The following ZNF583 variants were observed in gnomAD, a reference collection of about 807,000 sequenced individuals.
ZNF583 encodes the protein zinc finger protein 583.
In ZNF583, 30 loss-of-function variants were observed where a neutral mutation model predicts 55.3. That is an observed-to-expected ratio of 0.54 (90% CI 0.41 to 0.74). The LOEUF is 0.74. ZNF583 is among the 30% of genes least tolerant of loss of function. ZNF583 has a pLI of 0.00. For synonymous variants in ZNF583, 208 were observed against 220.0 expected (o/e 0.95, Z 0.48); for missense variants, 504 against 664.7 (o/e 0.76, Z 2.66).
chr19:56,418,836 A>C (rs1345608874), intron 4 of ZNF583, among the ~76,000 whole-genome samples: 2 of 152,212 alleles, frequency 1.3e-5, no homozygotes, highest in Non-Finnish European at 2.9e-5. Flanking sequence ...TTCAATCTTA[A>C]GGGAAAACGT....
In ZNF583 at chr19:56,424,049, A is replaced by G. The variant is rs1359134643; in HGVS notation, c.1391A>G (p.Tyr464Cys). 3 of 1,614,030 alleles carry G rather than the reference A, an allele frequency of 1.9e-6. No homozygotes were observed. The highest frequency in any genetic ancestry group is 1.1e-5 in the South Asian group (1 of 91,072). Reference protein sequence around the residue: ...HQRSHTGEKPYMCKECRKTFS... With the variant: ...HQRSHTGEKPCMCKECRKTFS... ...AGAAGTCATACTGGAGAAAAACCCT[A>G]TATGTGTAAGGAATGTAGGAAAACA... The change falls in exon 5 of 5, where the codon TAT becomes TGT. Residue 464 changes from tyrosine to cysteine, a missense_variant. This residue lies in a region of ZNF583 where 237 missense variants were observed against 373.0 expected (regional missense o/e 0.64). Coordinates refer to ENST00000333201, the MANE Select transcript of ZNF583 (RefSeq NM_152478.3).
rs980508869 is a variant in ZNF583 at position 56,407,028 on chromosome 19, C to T, written c.-87C>T. The T allele has an allele frequency of 3.3e-6, 5 of 1,517,732 alleles. 1 individual carries two copies. Among genetic ancestry groups the T allele is most frequent in the South Asian group, 2.4e-5 (2 of 84,944 alleles). The allele number at this position is 1,517,732 out of a possible 1,614,324, so 94.0% of individuals were successfully genotyped here. A position where few individuals can be genotyped will look rare whatever the true frequency, so the allele number is the denominator to read the frequency against. ...TATGGTTTCTTTTCCTTCTCCAGCT[C>T]GACTTTCTCAGGATACTGTCCCTCT... On this transcript the variant is annotated splice_region_variant and 5_prime_UTR_variant, in exon 2 of 5. Transcript: ENST00000333201.
In ZNF583 at chr19:56,421,390, A is replaced by G. The variant is rs1038065257; in HGVS notation, c.233-1501A>G. The G allele has an allele frequency of 1.7e-5, 14 of 840,434 alleles. No individual in the cohort carries two copies. The Middle Eastern group carries it at 1.8e-3, about 109-fold the overall frequency. 52.1% of individuals were successfully genotyped at this position (840,434 alleles called of 1,614,324 possible). On this transcript the variant is annotated intron_variant, in intron 4 of 4. Transcript: ENST00000333201. ...TCATTTCATATTTCTTTTTTGACCC[A>G]TCAGTCTTCAGAATTTAATTTTCAT...
chr19:56,423,411 GA>G lies in ZNF583; in HGVS notation c.754del (p.Ser252ValfsTer60). On this transcript the variant is annotated frameshift_variant, in exon 5 of 5. Coordinates refer to ENST00000333201, the MANE Select transcript of ZNF583 (RefSeq NM_152478.3). LOFTEE classifies it high-confidence loss of function. ...TTGAATGTGGGAAAACGTTCAGCCA[GA>G]GTGCAAACTTGGCGCAACATAAGAG... ...CVECGKTFSQ[S>X]ANLAQHKRIH... 6.2e-7 allele frequency: 1 copy of G among 1,613,828 alleles called. No individual in the cohort carries two copies. Among genetic ancestry groups the G allele is most frequent in the Non-Finnish European group, 8.5e-7 (1 of 1,179,846 alleles).
At position 56,404,374 on chromosome 19, in the gene ZNF583, G is replaced by A. The variant is rs1002798954; in HGVS notation, c.-168G>A. The A allele has an allele frequency of 6.6e-6, 1 of 152,328 alleles. No homozygotes were observed. The highest frequency in any genetic ancestry group is 6.5e-5 in the Admixed American group (1 of 15,292). 9.4% of individuals were successfully genotyped at this position (152,328 alleles called of 1,614,324 possible). ...GTGAGCGCGGCCGCCGGCCAGGATC[G>A]AGCCCTGGCCCGGGCCCTGGCCCAG... is the stretch of plus-strand genomic sequence containing the variant. On this transcript the variant is annotated 5_prime_UTR_variant, in exon 1 of 5. Transcript: ENST00000333201. The surrounding 1 kb of genome is among the most constrained non-coding windows in gnomAD (Gnocchi z 5.2).
At chr19:56,419,219 T>TG (rs2042376101) in intron 4 of ZNF583, among the ~76,000 whole-genome samples, 1 of 144,724 alleles carries the variant, frequency 6.9e-6, no homozygotes, top group Non-Finnish European at 1.5e-5. Context: ...TTTTTTGAGA[T>TG]GGAGTCTTGC....
chr19:56,418,494 C>G (rs1168555560), intron 4 of ZNF583, among the ~76,000 whole-genome samples: 1 of 151,860 alleles, frequency 6.6e-6, no homozygotes, highest in Non-Finnish European at 1.5e-5. Context: ...ATTTTTTTTC[C>G]TAAGTCTGTA....
Position 56,423,083 on chromosome 19 carries a change from T to C in ZNF583, c.425T>C (p.Leu142Ser). Residue 142 changes from leucine (L) to serine (S), a missense_variant, in exon 5 of 5, where the codon TTA becomes TCA. By Grantham distance (145) the Leu-to-Ser change is moderately radical. Around this residue, in one of 3 missense-constraint regions of ZNF583, gnomAD observed 204 missense variants for 235.2 expected, o/e 0.87. Coordinates refer to ENST00000333201, the MANE Select transcript of ZNF583 (RefSeq NM_152478.3). ...AGTCAAGAGGTACATCTTAGTCAAT[T>C]AATCATCACTCATAAAGAAATCCTT... ...LGSQEVHLSQLIITHKEILPE... is the reference protein window; with the variant it reads ...LGSQEVHLSQSIITHKEILPE... 6.2e-7 allele frequency: 1 copy of C among 1,612,874 alleles called. No individual in the cohort carries two copies. The highest frequency in any genetic ancestry group is 1.1e-5 in the South Asian group (1 of 90,736).
intron 2 of ZNF583, among the ~76,000 whole-genome samples, chr19:56,408,628 A>C (rs1216711836): frequency 6.6e-6 from 1 of 152,188 alleles, no homozygotes; most frequent in Non-Finnish European, 1.5e-5. Flanking sequence ...CCAGTTAGTG[A>C]CTGAGTCAGA....
At position 56,425,844 on chromosome 19, in the gene ZNF583, C is replaced by G. The variant is rs1351225346; in HGVS notation, c.*1476C>G. The stretch of plus-strand genomic sequence containing the variant: ...TTAAAATACATATGAATACCTTCAG[C>G]AGACCATGTGTTTTCCCTTTCTCCA... On this transcript the variant is annotated 3_prime_UTR_variant, in exon 5 of 5. Coordinates refer to ENST00000333201, the MANE Select transcript of ZNF583 (RefSeq NM_152478.3). 1.3e-5 allele frequency: 2 copies of G among 152,148 alleles called. No individual in the cohort carries two copies. 9.4% of individuals were successfully genotyped at this position (152,148 alleles called of 1,614,324 possible).
Position 56,407,090 on chromosome 19 carries a change from G to A in ZNF583, c.-25G>A, listed in dbSNP as rs892678144. The A allele has an allele frequency of 1.2e-6, 2 of 1,614,066 alleles. No homozygotes were observed. The highest frequency in any genetic ancestry group is 1.7e-5 in the Admixed American group (1 of 60,020). On this transcript the variant is annotated 5_prime_UTR_variant, in exon 2 of 5. Coordinates refer to ENST00000333201, the MANE Select transcript of ZNF583 (RefSeq NM_152478.3). The stretch of plus-strand genomic sequence containing the variant: ...GCTGAAGGAGTAGGACAGAAGAACT[G>A]TCAAATTCTGGAATCCTTAAAGCCA...
intron 2 of ZNF583, among the ~76,000 whole-genome samples, chr19:56,411,552 A>G (rs112706552): frequency 0.026 from 3,955 of 152,350 alleles, 182 homozygotes; most frequent in African/African-American, 0.089. Flanking sequence ...GCTAATGTCT[A>G]CAGAATAAAT....
chr19:56,407,660 A>G (rs1372460234), intron 2 of ZNF583, among the ~76,000 whole-genome samples: 1 of 152,176 alleles, frequency 6.6e-6, no homozygotes, highest in Non-Finnish European at 1.5e-5. Flanking sequence ...GTGGGCTTTG[A>G]AGAACAGTAT....
chr19:56,412,850 TGA>T (rs1189008320), intron 2 of ZNF583, among the ~76,000 whole-genome samples: 1 of 152,228 alleles, frequency 6.6e-6, no homozygotes, highest in Non-Finnish European at 1.5e-5. Context: ...TCATAGTCTT[TGA>T]GATCAACTTC....
At chr19:56,409,922 A>G (rs537531325) in intron 2 of ZNF583, among the ~76,000 whole-genome samples, 8 of 151,766 alleles carry the variant, frequency 5.3e-5, no homozygotes, top group African/African-American at 1.9e-4. Flanking sequence ...ATTATACATA[A>G]TTTTTATTGT....
Position 56,414,442 on chromosome 19 carries a change from T to C in ZNF583, c.232+2T>C. On this transcript the variant is annotated splice_donor_variant, in intron 4 of 4. Coordinates refer to ENST00000333201, the MANE Select transcript of ZNF583 (RefSeq NM_152478.3). LOFTEE classifies it high-confidence loss of function. ...AGGGAACAAGAGGCCCATGCCCTGG[T>C]GAGTGAGAGAGAAATAGGGAGACAG... is the stretch of plus-strand genomic sequence containing the variant. The C allele has an allele frequency of 6.2e-7, 1 of 1,612,738 alleles. No individual in the cohort carries two copies. Among genetic ancestry groups the C allele is most frequent in the Non-Finnish European group, 8.5e-7 (1 of 1,179,364 alleles).
At chr19:56,407,261 T>C in intron 2 of ZNF583, 138 bp downstream of exon 2, 1 of 1,005,644 alleles carries the variant, frequency 9.9e-7, no homozygotes, top group Non-Finnish European at 1.5e-6. Flanking sequence ...TATCTTGCTT[T>C]CCAGTAAAAG....
chr19:56,413,612 A>G (rs978983212), intron 2 of ZNF583, among the ~76,000 whole-genome samples: 1 of 152,032 alleles, frequency 6.6e-6, no homozygotes, highest in Non-Finnish European at 1.5e-5. Flanking sequence ...GGTGTATCTG[A>G]TTTTCCAATA....
At position 56,423,906 on chromosome 19, in the gene ZNF583, C is replaced by G. The variant is rs752073893; in HGVS notation, c.1248C>G (p.Ala416=). 1.9e-6 allele frequency: 3 copies of G among 1,613,274 alleles called. No individual in the cohort carries two copies. In the African/African-American group the frequency reaches 4.0e-5, roughly 22 times the overall value. Residue 416 remains alanine (A), a synonymous_variant, in exon 5 of 5, where the codon GCC becomes GCG. Coordinates refer to ENST00000333201, the MANE Select transcript of ZNF583 (RefSeq NM_152478.3). Reference sequence around the variant, plus strand: ...ATGAATGTAAAGTATGTAGGAAAGCCTTCAGCCAAATTGCATACCTTGATC... The same window carrying G: ...ATGAATGTAAAGTATGTAGGAAAGCGTTCAGCCAAATTGCATACCTTGATC... The part of the protein sequence containing the change: ...KPYECKVCRK[A]FSQIAYLDQH...
Sources: gnomAD v4.1 joint callset for allele counts (sites outside exome capture counted in the v4.1 genomes callset) on GRCh38, gnomAD v4.1.1 for gene constraint, gnomAD v4.1.1 regional missense constraint, Gnocchi (gnomAD v3.1) non-coding constraint, MANE v1.5 for transcripts, NCBI Gene and HGNC (gene_info 2026-07-23, HGNC 2026-07-21) for gene names.